Variants in PIK3C2G observed in about 807,000 individuals in gnomAD.
PIK3C2G encodes phosphatidylinositol-4-phosphate 3-kinase catalytic subunit type 2 gamma, also known as phosphatidylinositol 3-kinase C2 domain-containing subunit gamma.
Under a neutral mutation model 181.1 loss-of-function variants are expected in PIK3C2G, and 168 were observed. The ratio of observed to expected loss-of-function variants is 0.93; its 90% CI spans 0.82 to 1.05. The LOEUF (loss-of-function observed/expected upper bound fraction) is 1.05. Among genes scored for constraint, PIK3C2G ranks in the 50% least tolerant of loss-of-function variants. The pLI is 0.00. For missense variants in PIK3C2G, 1,869 were observed against 1,732.8 expected, an observed-to-expected ratio of 1.08 and a Z score of -1.40; for synonymous variants, 573 against 592.2, an observed-to-expected ratio of 0.97 and a Z score of 0.47.
intron 18 of PIK3C2G, among the ~76,000 whole-genome samples, chr12:18,426,542 G>T (rs1226544043): frequency 1.3e-5 from 2 of 151,866 alleles, no homozygotes; most frequent in Non-Finnish European, 2.9e-5. Flanking sequence ...AATTTCATAG[G>T]ACAAAGTTTT....
rs114935880 is a variant in PIK3C2G at position 18,377,100 on chromosome 12, A to G, written c.1881-4666A>G. Reference sequence around the variant, plus strand: ...TAGACATAATAAAGTCAGCAGCCCAAAGAATTTTATAACATCAGATCCTTT... The same window carrying G: ...TAGACATAATAAAGTCAGCAGCCCAGAGAATTTTATAACATCAGATCCTTT... On this transcript the variant is annotated intron_variant, in intron 13 of 32. Transcript: ENST00000538779. 3.1e-3 allele frequency among the ~76,000 whole-genome samples: 475 copies of G among 152,310 alleles called. 2 individuals are homozygous for G. The highest frequency in any genetic ancestry group is 0.011 in the African/African-American group (453 of 41,566).
At chr12:18,391,836 TG>T (rs1351079589) in intron 15 of PIK3C2G, among the ~76,000 whole-genome samples, 1 of 150,864 alleles carries the variant, frequency 6.6e-6, no homozygotes, top group Non-Finnish European at 1.5e-5. Flanking sequence ...GGCATCAAAC[TG>T]AGAAAGTGTC....
chr12:18,299,354 G>T (rs113851732), intron 5 of PIK3C2G, among the ~76,000 whole-genome samples: 2,756 of 151,860 alleles, frequency 0.018, 76 homozygotes, highest in African/African-American at 0.062. Flanking sequence ...TTTGTTATGG[G>T]TTCATAAAAA....
the PIK3C2G span, among the ~76,000 whole-genome samples, chr12:18,691,384 C>T: frequency 3.3e-5 from 5 of 152,048 alleles, no homozygotes; most frequent in Middle Eastern, 3.2e-3. Context: ...CCTTTAGATT[C>T]CCAAAATCAT....
the PIK3C2G span, among the ~76,000 whole-genome samples, chr12:18,708,733 T>C: frequency 1.3e-5 from 2 of 152,244 alleles, no homozygotes; most frequent in East Asian, 1.9e-4. Context: ...TATCTCATAG[T>C]GGTTTTGATT....
At chr12:18,329,190 T>C (rs1951483104) in intron 8 of PIK3C2G, among the ~76,000 whole-genome samples, 1 of 151,980 alleles carries the variant, frequency 6.6e-6, no homozygotes, top group Non-Finnish European at 1.5e-5. Flanking sequence ...TCTGTGTTGC[T>C]AATGAGATGG....
At chr12:18,414,940 T>C (rs1291257100) in intron 16 of PIK3C2G, among the ~76,000 whole-genome samples, 3 of 152,190 alleles carry the variant, frequency 2.0e-5, no homozygotes, top group African/African-American at 7.2e-5. Context: ...CTATTTCTCT[T>C]TCAGCTTCTT....
chr12:18,491,620 T>A, intron 20 of PIK3C2G, 62 bp downstream of exon 20: 1 of 928,972 alleles, frequency 1.1e-6, no homozygotes, highest in South Asian at 1.6e-5. Flanking sequence ...TAGTTCATTG[T>A]ATATGTTTGA....
At chr12:18,618,321 G>T (rs1948695407) in intron 31 of PIK3C2G, among the ~76,000 whole-genome samples, 1 of 151,994 alleles carries the variant, frequency 6.6e-6, no homozygotes. Flanking sequence ...CACTAACTCT[G>T]TATATAAATC....
At chr12:18,633,697 A>G (rs560612371) in intron 31 of PIK3C2G, among the ~76,000 whole-genome samples, 6 of 152,304 alleles carry the variant, frequency 3.9e-5, no homozygotes, top group Middle Eastern at 3.4e-3. Context: ...GTCAGGATCA[A>G]TCACTCTAGC....
chr12:18,453,370 G>C (rs1947468083), intron 18 of PIK3C2G, among the ~76,000 whole-genome samples: 1 of 152,062 alleles, frequency 6.6e-6, no homozygotes, highest in South Asian at 2.1e-4. Flanking sequence ...GACTAGGATT[G>C]CAACTCCTGC....
At chr12:18,710,651 T>C in the PIK3C2G span, among the ~76,000 whole-genome samples, 1 of 152,060 alleles carries the variant, frequency 6.6e-6, no homozygotes, top group Non-Finnish European at 1.5e-5. Context: ...ATCATTTAAA[T>C]GAGAGGTGAT....
rs1943868261 is a variant in PIK3C2G, at chr12:18,395,982, G to T, written c.2127-3677G>T. On this transcript the variant is annotated intron_variant, in intron 15 of 32. Coordinates refer to ENST00000538779, the MANE Select transcript of PIK3C2G (RefSeq NM_001288772.2). ...CCAAGAAATGGTTTAGACAAACAAA[G>T]AAAAAAACACGCCATAGAAACTAAT... Among the ~76,000 whole-genome samples the T allele has an allele frequency of 3.3e-5, 5 of 151,158 alleles. No homozygotes were observed. The South Asian group carries it at 1.0e-3, about 32-fold the overall frequency.
intron 8 of PIK3C2G, among the ~76,000 whole-genome samples, chr12:18,333,474 C>T (rs1026841688): frequency 3.9e-5 from 6 of 152,034 alleles, no homozygotes; most frequent in Non-Finnish European, 7.4e-5. Flanking sequence ...GTGTGATGTT[C>T]CACTCCCTGT....
Position 18,282,440 on chromosome 12 carries a change from C to T in PIK3C2G, c.359C>T (p.Thr120Met), listed in dbSNP as rs369286185. ...TCTGTGTTACCAAAACCTCAAAATA[C>T]GAATAAAGAATGCTCCTGGGGAAGC... ...SPSVLPKPQNTNKECSWGSPI... is the reference protein window; with the variant it reads ...SPSVLPKPQNMNKECSWGSPI... The change falls in exon 2 of 33, where the codon ACG becomes ATG. Residue 120 changes from threonine to methionine, a missense_variant. Transcript: ENST00000538779. 8 of 1,609,468 alleles carry T rather than the reference C, an allele frequency of 5.0e-6. No individual in the cohort carries two copies. The Admixed American group carries it at 5.1e-5, about 10-fold the overall frequency.
chr12:18,555,017 T>C (rs1941157565), intron 26 of PIK3C2G, among the ~76,000 whole-genome samples: 1 of 152,128 alleles, frequency 6.6e-6, no homozygotes, highest in Non-Finnish European at 1.5e-5. Context: ...CAACTCTTCC[T>C]GTATTTATAT....
chr12:18,383,117 A>G (rs1942947598), intron 14 of PIK3C2G, among the ~76,000 whole-genome samples: 1 of 152,224 alleles, frequency 6.6e-6, no homozygotes, highest in African/African-American at 2.4e-5. Context: ...ATATCCATGA[A>G]TAAAGAGGAG....
intron 24 of PIK3C2G, among the ~76,000 whole-genome samples, chr12:18,511,876 CA>C (rs1199024261): frequency 6.6e-6 from 1 of 151,324 alleles, no homozygotes; most frequent in Admixed American, 6.6e-5. Context: ...GGGTCTTATC[CA>C]AAAAAAATTG....
chr12:18,488,658 T>C (rs1940280801), intron 19 of PIK3C2G, 29 bp downstream of exon 19: 3 of 1,336,812 alleles, frequency 2.2e-6, no homozygotes, highest in Non-Finnish European at 3.0e-6. Context: ...ATTCAGGTAG[T>C]AATGTTTTTA....
Sources: allele counts gnomAD v4.1 joint callset (sites outside exome capture counted in the v4.1 genomes callset), GRCh38; gene constraint gnomAD v4.1.1; transcripts MANE v1.5; gene names NCBI Gene and HGNC (gene_info 2026-07-23, HGNC 2026-07-21).